SKP2: variants seen among roughly 807,000 people sequenced by gnomAD.
SKP2 encodes the protein S-phase kinase associated protein 2.
Under a neutral mutation model 51.8 loss-of-function variants are expected in SKP2, and 16 were observed. The observed-to-expected ratio is 0.31, with a 90% CI of 0.21 to 0.47. SKP2 has a LOEUF of 0.47. Ranked by LOEUF, SKP2 falls within the 20% of genes least tolerant of loss-of-function variation. The probability of loss-of-function intolerance (pLI) is 1.00; values close to 1 mark genes in which losing one functional copy is unlikely to be tolerated. For missense variants in SKP2, 377 were observed against 505.3 expected (o/e 0.75, Z 2.43); for synonymous variants, 176 against 198.6 (o/e 0.89, Z 0.96).
chr5:36,192,021 G>C (rs1462449815), intron 6 of SKP2, among the ~76,000 whole-genome samples: 2 of 151,984 alleles, frequency 1.3e-5, no homozygotes, highest in East Asian at 3.9e-4. Context: ...TTGTAATTTT[G>C]AGCATTAAAA....
At chr5:36,188,464 G>C (rs1466194264), downstream of SKP2, among the ~76,000 whole-genome samples, 2 of 152,152 alleles carry the variant, frequency 1.3e-5, no homozygotes, top group African/African-American at 4.8e-5. Flanking sequence ...GTCTGTAAAG[G>C]ATTTTATTTT....
At chr5:36,157,658 C>T (rs1744995754) in intron 2 of SKP2, among the ~76,000 whole-genome samples, 1 of 152,060 alleles carries the variant, frequency 6.6e-6, no homozygotes, top group African/African-American at 2.4e-5. Flanking sequence ...CCCCCAACTC[C>T]CTGAAAGAAA....
downstream of SKP2, among the ~76,000 whole-genome samples, chr5:36,184,548 T>G (rs2112020828): frequency 6.6e-6 from 1 of 152,274 alleles, no homozygotes; most frequent in Non-Finnish European, 1.5e-5. Flanking sequence ...TTGCTGAGAA[T>G]GATGGTTTCC....
chr5:36,191,407 T>G (rs1009343442), intron 6 of SKP2, among the ~76,000 whole-genome samples: 1 of 151,948 alleles, frequency 6.6e-6, no homozygotes, highest in Non-Finnish European at 1.5e-5. Flanking sequence ...TTTTTTTTTT[T>G]TTAGCCAGGA....
chr5:36,178,261 CAGCTCCTAGGT>C (rs1745696862), intron 9 of SKP2, among the ~76,000 whole-genome samples: 1 of 152,078 alleles, frequency 6.6e-6, no homozygotes, highest in African/African-American at 2.4e-5. Flanking sequence ...ATTTAGCTTC[CAGCTCCTAGGT>C]AGGAAGGGTG....
chr5:36,161,448 A>G (rs1745118905), intron 2 of SKP2, among the ~76,000 whole-genome samples: 1 of 152,178 alleles, frequency 6.6e-6, no homozygotes, highest in Non-Finnish European at 1.5e-5. Flanking sequence ...TTGATTTTAA[A>G]TGAATAGTAG....
intron 9 of SKP2, among the ~76,000 whole-genome samples, chr5:36,179,838 T>G (rs1427516992): frequency 6.6e-6 from 1 of 152,084 alleles, no homozygotes; most frequent in Non-Finnish European, 1.5e-5. Flanking sequence ...TGCTCTTCAG[T>G]CTCTTCCATT....
In SKP2 at chr5:36,166,648, G is replaced by T. The variant is rs1461910167; in HGVS notation, c.522G>T (p.Leu174Phe). ...CACGATCATTTATGGACCAACCATT[G>T]GCTGAACATTTCAGGTAAAGATGAA... ...RCPRSFMDQP[L>F]AEHFSPFRVQ... The change falls in exon 4 of 10, where the codon TTG (leucine) becomes TTT (phenylalanine). Residue 174 changes from leucine (L) to phenylalanine (F), a missense_variant. By Grantham distance (22) the Leu-to-Phe change is conservative (BLOSUM62 0). Coordinates refer to ENST00000274255, the MANE Select transcript of SKP2 (RefSeq NM_005983.4). 1 of 1,613,874 alleles carries T rather than the reference G, an allele frequency of 6.2e-7. No homozygotes were observed. The highest frequency in any genetic ancestry group is 1.1e-5 in the South Asian group (1 of 91,076).
intron 7 of SKP2, among the ~76,000 whole-genome samples, chr5:36,174,877 A>C (rs1173160097): frequency 6.6e-6 from 1 of 152,136 alleles, no homozygotes; most frequent in Non-Finnish European, 1.5e-5. Flanking sequence ...ATATGGAACC[A>C]ATGTGTGAGA....
intron 6 of SKP2, among the ~76,000 whole-genome samples, chr5:36,190,424 A>T (rs1268437852): frequency 6.7e-6 from 1 of 149,256 alleles, no homozygotes; most frequent in Non-Finnish European, 1.5e-5. Context: ...AAACATTTGA[A>T]TTCAAGTGAC....
intron 6 of SKP2, among the ~76,000 whole-genome samples, chr5:36,191,644 C>G (rs1052581231): frequency 6.6e-6 from 1 of 152,070 alleles, no homozygotes; most frequent in African/African-American, 2.4e-5. Flanking sequence ...TATTGACCAT[C>G]CACAATGTGC....
At chr5:36,171,207 T>C (rs1164371071) in intron 6 of SKP2, among the ~76,000 whole-genome samples, 1 of 152,196 alleles carries the variant, frequency 6.6e-6, no homozygotes, top group African/African-American at 2.4e-5. Context: ...AATATCAGCA[T>C]CTCTTTATTA....
chr5:36,171,964 C>G (rs941729093), intron 7 of SKP2, among the ~76,000 whole-genome samples: 1 of 152,208 alleles, frequency 6.6e-6, no homozygotes, highest in Non-Finnish European at 1.5e-5. Context: ...AACCTTTACA[C>G]TTGAAAACAA....
chr5:36,188,924 C>T (rs1228388512), downstream of SKP2, among the ~76,000 whole-genome samples: 4 of 152,100 alleles, frequency 2.6e-5, no homozygotes, highest in African/African-American at 7.2e-5. Flanking sequence ...AGGCTTTGTT[C>T]GTTTCTTTTT....
chr5:36,170,008 TG>T (rs1446875715), intron 5 of SKP2, among the ~76,000 whole-genome samples: 1 of 152,240 alleles, frequency 6.6e-6, no homozygotes, highest in Non-Finnish European at 1.5e-5. Flanking sequence ...ATTCTAATTA[TG>T]GGTGAAATGG....
intron 3 of SKP2, 24 bp downstream of exon 3, chr5:36,163,780 C>A: frequency 7.1e-7 from 1 of 1,416,172 alleles, no homozygotes; most frequent in Non-Finnish European, 1.0e-6. Flanking sequence ...ACCCCTTTGG[C>A]AAACGTAGGG....
At chr5:36,158,996 A>G (rs1216515247) in intron 2 of SKP2, among the ~76,000 whole-genome samples, 1 of 152,124 alleles carries the variant, frequency 6.6e-6, no homozygotes, top group African/African-American at 2.4e-5. Flanking sequence ...AAGAATTAGC[A>G]CATTCACCAT....
intron 7 of SKP2, among the ~76,000 whole-genome samples, chr5:36,172,003 C>T (rs166068): frequency 0.63 from 95,466 of 152,086 alleles, 35,709 homozygotes; most frequent in Non-Finnish European, 0.84. Flanking sequence ...AACTTTTAAT[C>T]AACTAAATGG....
chr5:36,184,890 G>A (rs1745929960), downstream of SKP2, among the ~76,000 whole-genome samples: 1 of 152,174 alleles, frequency 6.6e-6, no homozygotes, highest in African/African-American at 2.4e-5. Context: ...CAGTATAAAA[G>A]TGATCCTATA....
Sources: allele counts gnomAD v4.1 joint callset (sites outside exome capture counted in the v4.1 genomes callset), GRCh38; gene constraint gnomAD v4.1.1; transcripts MANE v1.5; gene names NCBI Gene and HGNC (gene_info 2026-07-23, HGNC 2026-07-21).